Variants in CADM2 observed in about 807,000 individuals in gnomAD.
CADM2 encodes the protein cell adhesion molecule 2.
CADM2 carries 12 observed loss-of-function variants against 49.8 expected under a neutral mutation model. The ratio of observed to expected loss-of-function variants is 0.24; its 90% CI spans 0.15 to 0.39. CADM2 has a LOEUF of 0.39. CADM2 is among the 10% of genes least tolerant of loss of function. The pLI, the probability that CADM2 is intolerant of heterozygous loss-of-function variation, is 1.00. For synonymous variants in CADM2, 214 were observed against 175.4 expected, an observed-to-expected ratio of 1.22 and a Z score of -1.74; for missense variants, 378 against 492.3, an observed-to-expected ratio of 0.77 and a Z score of 2.20.
intron 1 of CADM2, among the ~76,000 whole-genome samples, chr3:85,430,661 GAA>G (rs1282238062): frequency 7.0e-6 from 1 of 143,092 alleles, no homozygotes; most frequent in Non-Finnish European, 1.5e-5. Context: ...AACAGAAAGA[GAA>G]AGAGGAGAAA....
intron 5 of CADM2, among the ~76,000 whole-genome samples, chr3:85,909,475 A>C (rs1183610939): frequency 6.6e-6 from 1 of 151,856 alleles, no homozygotes; most frequent in Non-Finnish European, 1.5e-5. Flanking sequence ...AGAGAGAGAA[A>C]AAGAGAAAAA....
chr3:85,800,188 G>C (rs1269835080), intron 2 of CADM2: 1 of 152,162 alleles, frequency 6.6e-6, no homozygotes, highest in Admixed American at 6.6e-5. Context: ...TACATTGTGA[G>C]GGGCAAACTG....
At chr3:85,425,958 T>A (rs1284971656) in intron 1 of CADM2, among the ~76,000 whole-genome samples, 1 of 152,080 alleles carries the variant, frequency 6.6e-6, no homozygotes, top group Non-Finnish European at 1.5e-5. Context: ...TTCTGCTACT[T>A]GAGAAAATGG....
At chr3:85,055,380 A>G (rs766302814) in intron 1 of CADM2, among the ~76,000 whole-genome samples, 2 of 152,020 alleles carry the variant, frequency 1.3e-5, no homozygotes, top group Non-Finnish European at 2.9e-5. Context: ...ATCTGTTTTC[A>G]GACATATCAT....
At chr3:85,402,439 A>G (rs1484803485) in intron 1 of CADM2, among the ~76,000 whole-genome samples, 1 of 152,098 alleles carries the variant, frequency 6.6e-6, no homozygotes, top group African/African-American at 2.4e-5. Flanking sequence ...TACATCCTGT[A>G]TAAATTTTTG....
At chr3:85,775,021 C>A (rs1366336126) in intron 2 of CADM2, among the ~76,000 whole-genome samples, 1 of 151,664 alleles carries the variant, frequency 6.6e-6, no homozygotes, top group African/African-American at 2.4e-5. Context: ...CACACACACA[C>A]CCTTATATAA....
chr3:85,466,774 T>A (rs1325979913), intron 1 of CADM2, among the ~76,000 whole-genome samples: 1 of 152,196 alleles, frequency 6.6e-6, no homozygotes, highest in Non-Finnish European at 1.5e-5. Flanking sequence ...GCTGTATTTT[T>A]TTTTCAACAG....
intron 1 of CADM2, among the ~76,000 whole-genome samples, chr3:85,650,022 A>G (rs1215995340): frequency 6.6e-6 from 1 of 152,142 alleles, no homozygotes; most frequent in Non-Finnish European, 1.5e-5. Flanking sequence ...CTTTCTCTAT[A>G]AATTCTATGT....
At chr3:85,804,311 A>G (rs1447135742) in intron 3 of CADM2, among the ~76,000 whole-genome samples, 2 of 152,154 alleles carry the variant, frequency 1.3e-5, no homozygotes, top group African/African-American at 4.8e-5. Flanking sequence ...TTATACATAC[A>G]TATTTAAAGT....
intron 6 of CADM2, among the ~76,000 whole-genome samples, chr3:85,933,494 C>A (rs1720846657): frequency 6.6e-6 from 1 of 152,106 alleles, no homozygotes; most frequent in African/African-American, 2.4e-5. Context: ...TAAAAGACAG[C>A]CTCAGGGTCT....
At chr3:85,288,306 T>G (rs1187615840) in intron 1 of CADM2, among the ~76,000 whole-genome samples, 1 of 152,084 alleles carries the variant, frequency 6.6e-6, no homozygotes, top group African/African-American at 2.4e-5. Flanking sequence ...GTATAAAATC[T>G]TGCTTTGTAG....
intron 8 of CADM2, among the ~76,000 whole-genome samples, chr3:85,982,728 T>TCCCC: frequency 6.6e-6 from 1 of 151,782 alleles, no homozygotes; most frequent in East Asian, 1.9e-4. Context: ...AATTAAAACT[T>TCCCC]TTAGATGCAA....
intron 1 of CADM2, among the ~76,000 whole-genome samples, chr3:85,422,469 G>A (rs2036218007): frequency 1.3e-5 from 2 of 152,050 alleles, no homozygotes; most frequent in South Asian, 4.1e-4. Context: ...AGTAGAGACG[G>A]GGTTTCACTG....
intron 1 of CADM2, among the ~76,000 whole-genome samples, chr3:85,717,998 C>T (rs989585295): frequency 6.6e-6 from 1 of 152,052 alleles, no homozygotes; most frequent in Non-Finnish European, 1.5e-5. Flanking sequence ...TTGAACTCCT[C>T]ACTTCAGGTG....
chr3:86,002,181 A>T (rs2108743419), intron 8 of CADM2, among the ~76,000 whole-genome samples: 1 of 152,276 alleles, frequency 6.6e-6, no homozygotes, highest in East Asian at 1.9e-4. Context: ...AGATATATAA[A>T]TAGATAGGGT....
intron 1 of CADM2, among the ~76,000 whole-genome samples, chr3:85,134,236 G>A (rs952420305): frequency 2.0e-5 from 3 of 152,196 alleles, no homozygotes; most frequent in African/African-American, 7.2e-5. Flanking sequence ...TCCCGCTCGC[G>A]CGTCTCCCTC....
chr3:85,612,298 T>A (rs974809697), intron 1 of CADM2, among the ~76,000 whole-genome samples: 2 of 151,962 alleles, frequency 1.3e-5, no homozygotes, highest in Non-Finnish European at 2.9e-5. Flanking sequence ...AGCACTGTGC[T>A]AACAATGTTC....
At chr3:85,695,939 A>T (rs796529456) in intron 1 of CADM2, among the ~76,000 whole-genome samples, 39 of 152,244 alleles carry the variant, frequency 2.6e-4, no homozygotes, top group African/African-American at 9.4e-4. Context: ...TTTTAGTAAT[A>T]GCCATTCTGA....
At chr3:85,987,464 C>T (rs1489528082) in intron 8 of CADM2, among the ~76,000 whole-genome samples, 1 of 150,486 alleles carries the variant, frequency 6.6e-6, no homozygotes, top group African/African-American at 2.4e-5. Flanking sequence ...TAGTAGTAAC[C>T]CAAGATTTAA....
Sources: gnomAD v4.1 joint callset for allele counts (sites outside exome capture counted in the v4.1 genomes callset) on GRCh38, gnomAD v4.1.1 for gene constraint, MANE v1.5 for transcripts, NCBI Gene and HGNC (gene_info 2026-07-23, HGNC 2026-07-21) for gene names.